The following RALGPS2 variants were observed in gnomAD, a reference collection of about 807,000 sequenced individuals.
RALGPS2 encodes the protein ras-specific guanine nucleotide-releasing factor RalGPS2.
A neutral mutation model predicts 86.8 loss-of-function variants in RALGPS2; 43 were observed. That is an observed-to-expected ratio of 0.50 (90% confidence interval 0.39 to 0.64). RALGPS2 has a LOEUF of 0.64. RALGPS2 is among the 30% of genes least tolerant of loss of function. The pLI is 0.00. For missense variants in RALGPS2, 536 were observed against 694.6 expected (o/e 0.77, Z 2.57); for synonymous variants, 243 against 231.3 (o/e 1.05, Z -0.46).
chr1:178,906,622 A>G (rs1660399155), intron 18 of RALGPS2, among the ~76,000 whole-genome samples, 154 bp from the exon 19 acceptor site: 1 of 152,248 alleles, frequency 6.6e-6, no homozygotes, highest in Non-Finnish European at 1.5e-5. Flanking sequence ...TGGAAATACA[A>G]TAAAAATAGG....
intron 8 of RALGPS2, among the ~76,000 whole-genome samples, chr1:178,861,301 C>T (rs1416146044): frequency 2.0e-5 from 3 of 152,000 alleles, no homozygotes; most frequent in African/African-American, 4.8e-5. Flanking sequence ...TAATGAATAA[C>T]AGAAAAAGTT....
At chr1:178,877,729 G>T (rs1238688649) in intron 9 of RALGPS2, 94 bp downstream of exon 9, 10 of 1,430,270 alleles carry the variant, frequency 7.0e-6, no homozygotes, top group Non-Finnish European at 5.7e-6. Context: ...CACAGCAGGG[G>T]ACATCAATTT....
chr1:178,885,049 G>C, intron 11 of RALGPS2, 27 bp from the exon 12 acceptor site: 1 of 1,544,076 alleles, frequency 6.5e-7, no homozygotes, highest in South Asian at 1.2e-5. Context: ...GTAATCATTT[G>C]AAAATCTCTT....
At chr1:178,830,470 G>C (rs1369176118) in intron 7 of RALGPS2, among the ~76,000 whole-genome samples, 1 of 152,162 alleles carries the variant, frequency 6.6e-6, no homozygotes, top group Non-Finnish European at 1.5e-5. Flanking sequence ...GGCATTGTAA[G>C]TTGGTAAAGA....
chr1:178,726,495 C>G (rs1300605318), intron 1 of RALGPS2, among the ~76,000 whole-genome samples: 1 of 151,122 alleles, frequency 6.6e-6, no homozygotes, highest in East Asian at 2.0e-4. Context: ...AGAAAGGGCA[C>G]TGATGTTAGC....
intron 13 of RALGPS2, 145 bp downstream of exon 13, chr1:178,886,265 A>AT: frequency 1.3e-6 from 1 of 796,686 alleles, no homozygotes; most frequent in South Asian, 1.7e-5. Context: ...TGAAGTTAAT[A>AT]ATTTGTGATG....
chr1:178,746,122 G>A lies in RALGPS2; in HGVS notation c.-84+20703G>A, dbSNP rs541892554. ...CAGGTGTGAGCCACCACACCCAGCCGAAGAGAGAATTCTTAAGAGAATGAA... is the reference window on the plus strand; with the variant it reads ...CAGGTGTGAGCCACCACACCCAGCCAAAGAGAGAATTCTTAAGAGAATGAA... On this transcript the variant is annotated intron_variant, in intron 1 of 19. Coordinates refer to ENST00000367635, the MANE Select transcript of RALGPS2 (RefSeq NM_152663.5). Among the ~76,000 whole-genome samples, 648 of 151,938 alleles carry A rather than the reference G, an allele frequency of 4.3e-3. 3 individuals carry two copies. Among genetic ancestry groups the A allele is most frequent in the Middle Eastern group, 0.014 (4 of 294 alleles).
At chr1:178,783,815 G>A (rs16853339) in intron 2 of RALGPS2, among the ~76,000 whole-genome samples, 12,231 of 152,012 alleles carry the variant, frequency 0.08, 514 homozygotes, top group African/African-American at 0.1. Flanking sequence ...GATTTTCAGG[G>A]CCAAAATCCA....
chr1:178,809,130 A>C (rs1246515041), intron 5 of RALGPS2, among the ~76,000 whole-genome samples: 14 of 152,132 alleles, frequency 9.2e-5, no homozygotes. Context: ...GATTGTAAGC[A>C]TGAGTCACTC....
chr1:178,833,953 A>G (rs1656146824), intron 8 of RALGPS2, among the ~76,000 whole-genome samples: 2 of 152,096 alleles, frequency 1.3e-5, no homozygotes, highest in Non-Finnish European at 2.9e-5. Context: ...GCATATTGGT[A>G]TTGTTGTTTA....
At position 178,745,563 on chromosome 1, in the gene RALGPS2, G is replaced by A. The variant is rs551325259; in HGVS notation, c.-84+20144G>A. ...TCAACAAATAATGCTGGCACAAAAT[G>A]GATATCCAAATGCAAACAAATGAAC... On this transcript the variant is annotated intron_variant, in intron 1 of 19. Transcript: ENST00000367635. 3.4e-4 allele frequency among the ~76,000 whole-genome samples: 52 copies of A among 152,252 alleles called. No homozygotes were observed. In the South Asian group the frequency reaches 0.011, roughly 31 times the overall value.
chr1:178,791,817 A>G (rs1653969798), intron 4 of RALGPS2, among the ~76,000 whole-genome samples: 2 of 152,204 alleles, frequency 1.3e-5, no homozygotes, highest in East Asian at 1.9e-4. Flanking sequence ...TAAGAGGTAC[A>G]GTTGTTTGCT....
intron 8 of RALGPS2, among the ~76,000 whole-genome samples, chr1:178,840,360 C>T (rs1438372659): frequency 1.3e-5 from 2 of 152,172 alleles, no homozygotes; most frequent in Admixed American, 6.6e-5. Context: ...CTCAAAATCG[C>T]TCAACTACAT....
intron 8 of RALGPS2, among the ~76,000 whole-genome samples, chr1:178,864,608 G>A (rs1217933709): frequency 6.6e-6 from 1 of 152,130 alleles, no homozygotes; most frequent in Non-Finnish European, 1.5e-5. Context: ...TAGCAGCGAC[G>A]ACCTAGCTAG....
At chr1:178,785,738 A>C (rs1426069803) in intron 4 of RALGPS2, 131 bp downstream of exon 4, 4 of 1,227,200 alleles carry the variant, frequency 3.3e-6, no homozygotes, top group Middle Eastern at 2.5e-4. Flanking sequence ...ACTTATCTAC[A>C]TACTGTTTGG....
intron 1 of RALGPS2, among the ~76,000 whole-genome samples, chr1:178,776,434 A>T (rs1274223097): frequency 6.6e-6 from 1 of 152,186 alleles, no homozygotes; most frequent in Non-Finnish European, 1.5e-5. Context: ...ACTTAGCGAA[A>T]AGTTATGCTT....
chr1:178,823,894 T>C (rs1218986328), intron 7 of RALGPS2, among the ~76,000 whole-genome samples: 1 of 152,140 alleles, frequency 6.6e-6, no homozygotes, highest in African/African-American at 2.4e-5. Context: ...GAGATTGTTA[T>C]AATCATCAAT....
intron 4 of RALGPS2, among the ~76,000 whole-genome samples, chr1:178,800,210 A>G (rs1654406425): frequency 6.6e-6 from 1 of 152,208 alleles, no homozygotes; most frequent in Non-Finnish European, 1.5e-5. Flanking sequence ...GTGATTCAAG[A>G]CTGCATTTGA....
rs1050844013 is a variant in RALGPS2 at position 178,919,227 on chromosome 1, A to G, written c.*2868A>G. ...CTATTTTGTTTTCTTCACTATGTAA[A>G]TATTATTTGGGCAAACATTACAAAA... On this transcript the variant is annotated 3_prime_UTR_variant, in exon 20 of 20. Transcript: ENST00000367635. The G allele has an allele frequency of 6.6e-6, 1 of 152,038 alleles. No individual in the cohort carries two copies. The highest frequency in any genetic ancestry group is 2.4e-5 in the African/African-American group (1 of 41,432). The allele number at this position is 152,038 out of a possible 1,614,324, so 9.4% of individuals were successfully genotyped here.
Sources: allele counts gnomAD v4.1 joint callset (sites outside exome capture counted in the v4.1 genomes callset), GRCh38; gene constraint gnomAD v4.1.1; transcripts MANE v1.5; gene names NCBI Gene and HGNC (gene_info 2026-07-23, HGNC 2026-07-21).